Variants in EXTL2 observed in about 807,000 individuals in gnomAD.
EXTL2 encodes exostosin like glycosyltransferase 2.
A neutral mutation model predicts 30.7 loss-of-function variants in EXTL2; 23 were observed. That is an observed-to-expected ratio of 0.75 (90% CI 0.54 to 1.06). EXTL2 has a LOEUF of 1.06. EXTL2 is among the 50% of genes least tolerant of loss of function. The pLI, the probability that EXTL2 is intolerant of heterozygous loss-of-function variation, is 0.00. For synonymous variants in EXTL2, 123 were observed against 133.8 expected, an observed-to-expected ratio of 0.92 and a Z score of 0.56; for missense variants, 352 against 396.3, an observed-to-expected ratio of 0.89 and a Z score of 0.95.
At chr1:100,878,767 C>T (rs1208056634) in intron 2 of EXTL2, among the ~76,000 whole-genome samples, 1 of 152,010 alleles carries the variant, frequency 6.6e-6, no homozygotes, top group Non-Finnish European at 1.5e-5. Context: ...ATGCCCTTCC[C>T]AAGATTACCA....
chr1:100,880,875 C>A (rs1296164090), intron 2 of EXTL2: 20 of 759,878 alleles, frequency 2.6e-5, no homozygotes, highest in Non-Finnish European at 3.2e-5. Context: ...TGCTATCTAG[C>A]AGTTTTAATC....
rs116311079 is a variant in EXTL2, at chr1:100,874,492, A to C, written c.505-62T>G. Reference sequence around the variant, plus strand: ...ATTTTTAGAGAAGACATAGTGAAAAAGGCAATGATTTATTACAGAGAGAAT... The same window carrying C: ...ATTTTTAGAGAAGACATAGTGAAAACGGCAATGATTTATTACAGAGAGAAT... On this transcript the variant is annotated intron_variant, in intron 4 of 4. Transcript: ENST00000370114. 5.7e-4 allele frequency: 737 copies of C among 1,298,228 alleles called. 8 individuals are homozygous for C. In the African/African-American group the frequency reaches 0.01, roughly 18 times the overall value. The allele number at this position is 1,298,228 out of a possible 1,614,324, so 80.4% of individuals were successfully genotyped here. A position where few individuals can be genotyped will look rare whatever the true frequency, so the allele number is the denominator to read the frequency against.
At chr1:100,891,811 G>A (rs1248499730) in intron 1 of EXTL2, among the ~76,000 whole-genome samples, 2 of 152,150 alleles carry the variant, frequency 1.3e-5, no homozygotes, top group Non-Finnish European at 2.9e-5. Flanking sequence ...GGTGCCTGGT[G>A]GCCTTTCAAT....
intron 2 of EXTL2, among the ~76,000 whole-genome samples, chr1:100,887,483 GA>G (rs2100960381): frequency 6.6e-6 from 1 of 152,306 alleles, no homozygotes; most frequent in East Asian, 1.9e-4. Context: ...CATTACTAAT[GA>G]AAGTTGTCAG....
chr1:100,891,783 C>T (rs1178734167), intron 1 of EXTL2, among the ~76,000 whole-genome samples: 1 of 152,176 alleles, frequency 6.6e-6, no homozygotes, highest in Non-Finnish European at 1.5e-5. Flanking sequence ...AGAATTCCAG[C>T]CCCTCTCATC....
At chr1:100,878,299 C>T (rs1649287128) in intron 2 of EXTL2, 3 of 384,744 alleles carry the variant, frequency 7.8e-6, no homozygotes, top group South Asian at 6.2e-5. Context: ...CAAAATCATA[C>T]AGAGCCATAA....
rs1474838567 is a variant in EXTL2 at position 100,894,816 on chromosome 1, G to T, written c.-255C>A. 6.6e-6 allele frequency: 1 copy of T among 152,092 alleles called. No homozygotes were observed. Among genetic ancestry groups the T allele is most frequent in the Non-Finnish European group, 1.5e-5 (1 of 68,038 alleles). 9.4% of individuals were successfully genotyped at this position (152,092 alleles called of 1,614,324 possible). ...AAAAAGTGCCGCCCGCAAAGTGAGCGCCTGGAGCAAGGGACAGTCCCCGAG... is the reference window on the plus strand; with the variant it reads ...AAAAAGTGCCGCCCGCAAAGTGAGCTCCTGGAGCAAGGGACAGTCCCCGAG... On this transcript the variant is annotated 5_prime_UTR_variant, in exon 1 of 5. Coordinates refer to ENST00000370114, the MANE Select transcript of EXTL2 (RefSeq NM_001033025.3).
intron 2 of EXTL2, among the ~76,000 whole-genome samples, chr1:100,884,173 C>T (rs1000961585): frequency 5.3e-5 from 8 of 152,122 alleles, no homozygotes; most frequent in African/African-American, 1.4e-4. Flanking sequence ...CAATGAGCAA[C>T]GTGGTGTTGT....
intron 2 of EXTL2, among the ~76,000 whole-genome samples, chr1:100,881,854 G>A (rs1022890211): frequency 1.3e-5 from 2 of 152,156 alleles, no homozygotes; most frequent in African/African-American, 4.8e-5. Context: ...CCAATCCCCA[G>A]GCTACACATC....
intron 2 of EXTL2, among the ~76,000 whole-genome samples, chr1:100,881,216 A>G (rs1050769545): frequency 6.8e-6 from 1 of 146,866 alleles, no homozygotes; most frequent in Admixed American, 6.6e-5. Context: ...CTGTAGTGCA[A>G]GTGGCACACT....
chr1:100,884,140 C>A (rs1478388987), intron 2 of EXTL2, among the ~76,000 whole-genome samples: 2 of 152,164 alleles, frequency 1.3e-5, no homozygotes, highest in African/African-American at 4.8e-5. Context: ...AGATTATGTT[C>A]TCTGACTCAT....
intron 2 of EXTL2, among the ~76,000 whole-genome samples, chr1:100,883,837 A>G (rs901047937): frequency 5.9e-5 from 9 of 152,204 alleles, no homozygotes; most frequent in African/African-American, 2.2e-4. Context: ...TTCAAAGAGC[A>G]TTATTTGAAA....
intron 2 of EXTL2, chr1:100,888,220 C>G (rs1650134405): frequency 6.6e-6 from 1 of 152,208 alleles, no homozygotes; most frequent in Non-Finnish European, 1.5e-5. Context: ...TAATTTTTCC[C>G]AGACAAAAGT....
chr1:100,888,875 G>A, intron 1 of EXTL2, 47 bp from the exon 2 acceptor site: 1 of 679,994 alleles, frequency 1.5e-6, no homozygotes, highest in Non-Finnish European at 2.3e-6. Flanking sequence ...CTGTCAGTCA[G>A]CAGGAAATTT....
At chr1:100,891,232 G>A (rs1650401470) in intron 1 of EXTL2, among the ~76,000 whole-genome samples, 1 of 152,152 alleles carries the variant, frequency 6.6e-6, no homozygotes, top group African/African-American at 2.4e-5. Context: ...ATGGCATTTA[G>A]GTTAAGGATT....
chr1:100,888,673 A>G (rs755735504), intron 2 of EXTL2, 80 bp downstream of exon 2: 1 of 732,310 alleles, frequency 1.4e-6, no homozygotes, highest in Non-Finnish European at 2.3e-6. Flanking sequence ...CTATATACTT[A>G]AAACCCGTTA....
rs1648768380 is a variant in EXTL2 at position 100,872,449 on chromosome 1, C to T, written c.*1493G>A. The T allele has an allele frequency of 6.6e-6, 1 of 152,278 alleles. No homozygotes were observed. The highest frequency in any genetic ancestry group is 2.4e-5 in the African/African-American group (1 of 41,334). The allele number at this position is 152,278 out of a possible 1,614,324, so 9.4% of individuals were successfully genotyped here. A position where few individuals can be genotyped will look rare whatever the true frequency, so the allele number is the denominator to read the frequency against. Reference sequence around the variant, plus strand: ...AATCATAAGAGGCAAAAAAGTACTACCAATATTGGACAAAACAGATAACTG... The same window carrying T: ...AATCATAAGAGGCAAAAAAGTACTATCAATATTGGACAAAACAGATAACTG... On this transcript the variant is annotated 3_prime_UTR_variant, in exon 5 of 5. Coordinates refer to ENST00000370114, the MANE Select transcript of EXTL2 (RefSeq NM_001033025.3).
At position 100,892,651 on chromosome 1, in the gene EXTL2, C is replaced by CTAA. The variant is rs1553233412; in HGVS notation, c.-72+1979_-72+1981dup. 5.5e-4 allele frequency among the ~76,000 whole-genome samples: 84 copies of CTAA among 152,202 alleles called. 1 individual carries two copies. Among genetic ancestry groups the CTAA allele is most frequent in the Non-Finnish European group, 1.5e-5 (1 of 68,008 alleles). ...CCTAGTTCTGTCCCTCCAGAGAACCCTAATATAAGGATCCAGAAGCAAAAT... is the reference window on the plus strand; with the variant it reads ...CCTAGTTCTGTCCCTCCAGAGAACCCTAATAATATAAGGATCCAGAAGCAAAAT... On this transcript the variant is annotated intron_variant, in intron 1 of 4. Transcript: ENST00000370114.
Position 100,877,365 on chromosome 1 carries a change from A to G in EXTL2, c.433+111T>C. On this transcript the variant is annotated intron_variant, in intron 3 of 4. Transcript: ENST00000370114. This position sits in a 1 kb window ranked among gnomAD's most constrained non-coding sequence, Gnocchi z 4.1. ...TTTCCAAAGTGCTTTCTTAGGACTAACTTCCTTCATTTTTCTCCAGACGGT... is the reference window on the plus strand; with the variant it reads ...TTTCCAAAGTGCTTTCTTAGGACTAGCTTCCTTCATTTTTCTCCAGACGGT... 1 of 996,072 alleles carries G rather than the reference A, an allele frequency of 1.0e-6. No homozygotes were observed. The highest frequency in any genetic ancestry group is 1.4e-6 in the Non-Finnish European group (1 of 694,242). The allele number at this position is 996,072 out of a possible 1,614,324, so 61.7% of individuals were successfully genotyped here.
Sources: allele counts gnomAD v4.1 joint callset (sites outside exome capture counted in the v4.1 genomes callset), GRCh38; gene constraint gnomAD v4.1.1; non-coding constraint Gnocchi (gnomAD v3.1); transcripts MANE v1.5; gene names NCBI Gene and HGNC (gene_info 2026-07-23, HGNC 2026-07-21).